Variants in OCA2 observed in about 807,000 individuals in gnomAD.
The protein encoded by OCA2 is P protein.
Under a neutral mutation model 100.2 loss-of-function variants are expected in OCA2, and 77 were observed. The ratio of observed to expected loss-of-function variants is 0.77; its 90% CI spans 0.64 to 0.93. OCA2 has a LOEUF of 0.93. Ranked by LOEUF, OCA2 falls within the 40% of genes least tolerant of loss-of-function variation. OCA2 has a pLI of 0.00. For missense variants in OCA2, 1,062 were observed against 1,089.1 expected, an observed-to-expected ratio of 0.98 and a Z score of 0.35; for synonymous variants, 432 against 439.2, an observed-to-expected ratio of 0.98 and a Z score of 0.21.
At chr15:27,877,950 T>C (rs1263817022) in intron 19 of OCA2, among the ~76,000 whole-genome samples, 1 of 151,352 alleles carries the variant, frequency 6.6e-6, no homozygotes, top group East Asian at 1.9e-4. Context: ...ACTTGAATAT[T>C]GTATTTTCAT....
intron 9 of OCA2, among the ~76,000 whole-genome samples, chr15:28,001,591 T>G (rs961646069): frequency 2.0e-5 from 3 of 152,212 alleles, no homozygotes; most frequent in African/African-American, 7.2e-5. Context: ...TATTTTTCTT[T>G]CCTTGTGTGT....
At chr15:27,771,099 A>AT (rs2031806612) in intron 23 of OCA2, among the ~76,000 whole-genome samples, 1 of 61,876 alleles carries the variant, frequency 1.6e-5, no homozygotes, top group South Asian at 3.4e-4. Context: ...TTCTCCCTCC[A>AT]TTTTTTGCTT....
intron 21 of OCA2, among the ~76,000 whole-genome samples, chr15:27,867,455 T>C (rs2036369401): frequency 6.6e-6 from 1 of 152,178 alleles, no homozygotes; most frequent in Non-Finnish European, 1.5e-5. Flanking sequence ...TCTACTTGCA[T>C]GCTGCTTAAA....
At chr15:27,794,498 T>C (rs1193992303) in intron 23 of OCA2, among the ~76,000 whole-genome samples, 10 of 152,152 alleles carry the variant, frequency 6.6e-5, no homozygotes, top group African/African-American at 2.4e-4. Flanking sequence ...GCCATGCATA[T>C]CTTTGGCATT....
the OCA2 span, among the ~76,000 whole-genome samples, chr15:27,728,571 C>T: frequency 1.3e-5 from 2 of 152,166 alleles, no homozygotes; most frequent in African/African-American, 4.8e-5. Context: ...GGATCACACA[C>T]GTACATCATG....
In OCA2 at chr15:27,810,084, A is replaced by T. The variant is rs540251491; in HGVS notation, c.2432+34875T>A. On this transcript the variant is annotated intron_variant, in intron 23 of 23. Coordinates refer to ENST00000354638, the MANE Select transcript of OCA2 (RefSeq NM_000275.3). ...AAAGCAAACTTAAGCAAAAAATAAC[A>T]AATCTTGAGACATCACATTATTGGA... Among the ~76,000 whole-genome samples the T allele has an allele frequency of 1.2e-3, 183 of 152,350 alleles. 4 individuals are homozygous for T. The South Asian group carries it at 0.038, about 31-fold the overall frequency.
At position 27,785,573 on chromosome 15, in the gene OCA2, G is replaced by A. The variant is rs112307519; in HGVS notation, c.2433-30101C>T. On this transcript the variant is annotated intron_variant, in intron 23 of 23. Transcript: ENST00000354638. The stretch of plus-strand genomic sequence containing the variant: ...TCAGATTAGCTATTTAAATAAAAAA[G>A]GTAAGAAAGAAAAGAAAAGAAGTAT... Among the ~76,000 whole-genome samples, 918 of 152,146 alleles carry A rather than the reference G, an allele frequency of 6.0e-3. 17 individuals carry two copies. Among genetic ancestry groups the A allele is most frequent in the African/African-American group, 0.021 (854 of 41,518 alleles).
chr15:27,960,418 A>G (rs4778214), intron 15 of OCA2, among the ~76,000 whole-genome samples: 36,432 of 152,088 alleles, frequency 0.24, 6,326 homozygotes, highest in East Asian at 0.85. Context: ...CTCAAGAGCC[A>G]CCCAGGATAT....
At chr15:27,741,281 A>C in the OCA2 span, among the ~76,000 whole-genome samples, 1 of 152,216 alleles carries the variant, frequency 6.6e-6, no homozygotes, top group African/African-American at 2.4e-5. Context: ...GACTTAGGCA[A>C]GGAGAGACTG....
At chr15:27,923,433 A>G (rs1274730620) in intron 19 of OCA2, among the ~76,000 whole-genome samples, 1 of 152,202 alleles carries the variant, frequency 6.6e-6, no homozygotes, top group East Asian at 1.9e-4. Context: ...TTAAGGAATC[A>G]CCACACTGCT....
chr15:28,082,450 G>T (rs1037819725), intron 1 of OCA2, among the ~76,000 whole-genome samples: 1 of 152,210 alleles, frequency 6.6e-6, no homozygotes, highest in Non-Finnish European at 1.5e-5. Context: ...GTCAGTGAGA[G>T]CAAGAACCCA....
chr15:27,801,811 C>A (rs1407388979), intron 23 of OCA2, among the ~76,000 whole-genome samples: 1 of 151,970 alleles, frequency 6.6e-6, no homozygotes, highest in East Asian at 1.9e-4. Flanking sequence ...CTAAATTATT[C>A]TTTAGAATAA....
At chr15:27,944,081 GA>G (rs1157463077) in intron 18 of OCA2, among the ~76,000 whole-genome samples, 3 of 152,120 alleles carry the variant, frequency 2.0e-5, no homozygotes, top group African/African-American at 7.2e-5. Flanking sequence ...CTTGACTATG[GA>G]AATTATCGTT....
chr15:27,755,518 A>ATC, intron 23 of OCA2, 46 bp from the exon 24 acceptor site: 1 of 1,448,908 alleles, frequency 6.9e-7, no homozygotes, highest in Non-Finnish European at 9.7e-7. Context: ...AATCTGGATA[A>ATC]TCTCATGAGA....
intron 14 of OCA2, among the ~76,000 whole-genome samples, chr15:27,974,557 A>G (rs2040905388): frequency 6.6e-6 from 1 of 152,186 alleles, no homozygotes; most frequent in Non-Finnish European, 1.5e-5. Flanking sequence ...ACCTGAGGTC[A>G]GTAATTCCAA....
intron 9 of OCA2, among the ~76,000 whole-genome samples, chr15:27,994,005 A>G (rs1424010883): frequency 6.6e-6 from 1 of 152,220 alleles, no homozygotes; most frequent in Non-Finnish European, 1.5e-5. Flanking sequence ...TTCAGCTATC[A>G]GGAATAAAAA....
chr15:27,864,586 G>A (rs975739231), intron 21 of OCA2, among the ~76,000 whole-genome samples: 4 of 152,090 alleles, frequency 2.6e-5, no homozygotes, highest in African/African-American at 7.2e-5. Context: ...AAAGAAAGCC[G>A]GGGAAAGGAG....
chr15:27,824,968 T>G (rs1244585336), intron 23 of OCA2, among the ~76,000 whole-genome samples: 2 of 152,184 alleles, frequency 1.3e-5, no homozygotes, highest in Non-Finnish European at 2.9e-5. Context: ...ATGCTTTTTC[T>G]CCACACTCAT....
intron 19 of OCA2, among the ~76,000 whole-genome samples, chr15:27,904,714 A>C (rs1239492716): frequency 2.0e-5 from 3 of 152,194 alleles, no homozygotes; most frequent in Non-Finnish European, 4.4e-5. Context: ...AAGTACAAGG[A>C]CAAGGCCAGG....
Sources: allele counts gnomAD v4.1 joint callset (sites outside exome capture counted in the v4.1 genomes callset), GRCh38; gene constraint gnomAD v4.1.1; transcripts MANE v1.5; gene names NCBI Gene and HGNC (gene_info 2026-07-23, HGNC 2026-07-21).